Variants in FRMPD4 observed in about 807,000 individuals in gnomAD.
The protein encoded by FRMPD4 is FERM and PDZ domain-containing protein 4.
In FRMPD4, 22 loss-of-function variants were observed where a neutral mutation model predicts 94.1. The observed-to-expected ratio is 0.23, with a 90% CI of 0.17 to 0.33. The LOEUF (loss-of-function observed/expected upper bound fraction) is 0.33, where lower values mean the gene tolerates loss of function less well. Ranked by LOEUF, FRMPD4 falls within the 10% of genes least tolerant of loss-of-function variation. The pLI is 1.00. For missense variants in FRMPD4, 1,111 were observed against 1,339.9 expected, an observed-to-expected ratio of 0.83 and a Z score of 2.67; for synonymous variants, 631 against 548.6, an observed-to-expected ratio of 1.15 and a Z score of -2.10.
intron 1 of FRMPD4, among the ~76,000 whole-genome samples, chrX:12,428,691 T>C (rs2056978924): frequency 8.9e-6 from 1 of 111,975 alleles, no homozygotes; most frequent in Non-Finnish European, 1.9e-5. Flanking sequence ...TATCTTCGCT[T>C]CTTTCTCAGC....
At chrX:12,157,664 A>T (rs1256379123) in intron 1 of FRMPD4, among the ~76,000 whole-genome samples, 3 of 111,940 alleles carry the variant, frequency 2.7e-5, no homozygotes. Context: ...AAGCCAGTAT[A>T]CCTTGGTGGG....
intron 3 of FRMPD4, among the ~76,000 whole-genome samples, chrX:11,967,324 A>G (rs1336760680): frequency 8.9e-6 from 1 of 111,885 alleles, no homozygotes; most frequent in Non-Finnish European, 1.9e-5. Flanking sequence ...CCTAGCCATT[A>G]CTACTGAAAG....
chrX:12,272,799 G>A (rs1190615538), intron 1 of FRMPD4, among the ~76,000 whole-genome samples: 1 of 111,915 alleles, frequency 8.9e-6, no homozygotes, highest in Non-Finnish European at 1.9e-5. Flanking sequence ...GCTGCGTGTG[G>A]TGGCTCACAC....
At chrX:12,654,572 G>T (rs764626522) in intron 4 of FRMPD4, among the ~76,000 whole-genome samples, 26 of 112,006 alleles carry the variant, frequency 2.3e-4, no homozygotes, top group Non-Finnish European at 4.5e-4. Flanking sequence ...ACACCATTTT[G>T]TGAATCTGAC....
Position 12,723,936 on chromosome X carries a change from T to G in FRMPD4, c.*2078T>G. ...CGATTTCCATAGGGTTGTCATGAGT[T>G]TTGAGTAAAAATGTGTATGTAAAGT... On this transcript the variant is annotated 3_prime_UTR_variant, in exon 17 of 17. Coordinates refer to ENST00000675598, the MANE Select transcript of FRMPD4 (RefSeq NM_001368397.1). The G allele has an allele frequency of 8.9e-6, 1 of 111,856 alleles. No homozygotes were observed. Among genetic ancestry groups the G allele is most frequent in the Non-Finnish European group, 1.9e-5 (1 of 53,197 alleles). 9.2% of individuals were successfully genotyped at this position (111,856 alleles called of 1,213,427 possible). A position where few individuals can be genotyped will look rare whatever the true frequency, so the allele number is the denominator to read the frequency against.
At chrX:12,674,401 C>T (rs1273419538) in intron 4 of FRMPD4, among the ~76,000 whole-genome samples, 1 of 111,661 alleles carries the variant, frequency 9.0e-6, no homozygotes, top group Non-Finnish European at 1.9e-5. Context: ...GAGGTAATGA[C>T]GTTCCATGAA....
chrX:11,964,196 G>C (rs1314997252), intron 3 of FRMPD4, among the ~76,000 whole-genome samples: 1 of 109,792 alleles, frequency 9.1e-6, no homozygotes, highest in Non-Finnish European at 1.9e-5. Flanking sequence ...GTCTCACTCT[G>C]TCGCCCAGGT....
intron 4 of FRMPD4, among the ~76,000 whole-genome samples, chrX:12,663,480 G>T (rs1412326048): frequency 8.9e-6 from 1 of 111,938 alleles, no homozygotes; most frequent in African/African-American, 3.2e-5. Flanking sequence ...TTTTTGTCCG[G>T]TTTGTCAGAG....
Position 12,310,143 on chromosome X carries a change from G to A in FRMPD4, c.41+171131G>A, listed in dbSNP as rs188810149. On this transcript the variant is annotated intron_variant, in intron 1 of 16. Transcript: ENST00000675598. Reference sequence around the variant, plus strand: ...AAGAGAGTCAGCGAAGGGAGATAGGGGTGGAGCCGTTTTATAGGATTTGGG... The same window carrying A: ...AAGAGAGTCAGCGAAGGGAGATAGGAGTGGAGCCGTTTTATAGGATTTGGG... Among the ~76,000 whole-genome samples, 89 of 110,612 alleles carry A rather than the reference G, an allele frequency of 8.0e-4. No homozygotes were observed. The Middle Eastern group carries it at 0.014, about 17-fold the overall frequency.
chrX:12,604,079 C>T, intron 2 of FRMPD4, among the ~76,000 whole-genome samples: 1 of 107,947 alleles, frequency 9.3e-6, no homozygotes, highest in Non-Finnish European at 1.9e-5. Context: ...GCAGTGACCA[C>T]ACAGTACATA....
At chrX:12,082,799 G>C (rs941244144) in intron 3 of FRMPD4, among the ~76,000 whole-genome samples, 5 of 111,844 alleles carry the variant, frequency 4.5e-5, no homozygotes, top group Non-Finnish European at 9.4e-5. Flanking sequence ...TTTTAGCAAA[G>C]AGACTAGCGG....
At chrX:12,371,544 A>G (rs1239591400) in intron 1 of FRMPD4, among the ~76,000 whole-genome samples, 1 of 112,586 alleles carries the variant, frequency 8.9e-6, no homozygotes, top group Non-Finnish European at 1.9e-5. Flanking sequence ...GAGTATTTCA[A>G]AGATTCCTTT....
At chrX:12,331,274 T>G (rs2055369056) in intron 1 of FRMPD4, among the ~76,000 whole-genome samples, 1 of 107,052 alleles carries the variant, frequency 9.3e-6, no homozygotes, top group Non-Finnish European at 1.9e-5. Context: ...ATTTTGAAAG[T>G]GATATAACAT....
chrX:12,460,388 TC>T (rs2057379109), intron 1 of FRMPD4, among the ~76,000 whole-genome samples: 1 of 112,158 alleles, frequency 8.9e-6, no homozygotes, highest in African/African-American at 3.2e-5. Context: ...AGTTTCATGT[TC>T]TTAGTTCTTA....
chrX:12,542,097 T>G (rs1230358782), intron 2 of FRMPD4, among the ~76,000 whole-genome samples: 1 of 111,762 alleles, frequency 8.9e-6, no homozygotes, highest in Admixed American at 9.5e-5. Context: ...CTAAAAATAA[T>G]AAGAACTATT....
intron 1 of FRMPD4, among the ~76,000 whole-genome samples, chrX:12,483,896 A>C (rs1396486475): frequency 2.7e-5 from 3 of 111,934 alleles, no homozygotes; most frequent in Admixed American, 9.5e-5. Context: ...AGTGAAAGAC[A>C]ATGCTATATC....
intron 1 of FRMPD4, among the ~76,000 whole-genome samples, chrX:12,196,920 A>G (rs889838439): frequency 2.1e-4 from 22 of 106,467 alleles, no homozygotes; most frequent in Non-Finnish European, 1.4e-4. Context: ...TTGAATAATT[A>G]TGAATGTTAG....
In FRMPD4 at chrX:12,092,301, C is replaced by G. The variant is rs72612866; in HGVS notation, c.95+214283C>G. Among the ~76,000 whole-genome samples, 34 of 112,220 alleles carry G rather than the reference C, an allele frequency of 3.0e-4. No individual in the cohort carries two copies. The East Asian group carries it at 8.9e-3, about 29-fold the overall frequency. On this transcript the variant is annotated intron_variant, in intron 3 of 18. Transcript: ENST00000640291. The stretch of plus-strand genomic sequence containing the variant: ...AAGTTTTATTTGTAAAATTGCTTCT[C>G]TAACCATAATTAGCTCAAAAAATAG...
chrX:12,268,381 A>G (rs2054304930), intron 1 of FRMPD4, among the ~76,000 whole-genome samples: 1 of 112,126 alleles, frequency 8.9e-6, no homozygotes, highest in Non-Finnish European at 1.9e-5. Context: ...AATATTGTAA[A>G]CATCCAATGG....
Sources: gnomAD v4.1 joint callset for allele counts (sites outside exome capture counted in the v4.1 genomes callset) on GRCh38, gnomAD v4.1.1 for gene constraint, MANE v1.5 for transcripts, NCBI Gene and HGNC (gene_info 2026-07-23, HGNC 2026-07-21) for gene names.